KCNT2: variants seen among roughly 807,000 people sequenced by gnomAD.
The protein encoded by KCNT2 is potassium channel subfamily T member 2.
In KCNT2, 67 loss-of-function variants were observed where a neutral mutation model predicts 153.8. That is an observed-to-expected ratio of 0.44 (90% CI 0.36 to 0.53). The LOEUF (loss-of-function observed/expected upper bound fraction) is 0.53. Ranked by LOEUF, KCNT2 falls within the 20% of genes least tolerant of loss-of-function variation. KCNT2 has a pLI of 0.00. For synonymous variants in KCNT2, 500 were observed against 458.8 expected, an observed-to-expected ratio of 1.09 and a Z score of -1.15; for missense variants, 975 against 1,354.8, an observed-to-expected ratio of 0.72 and a Z score of 4.40.
chr1:196,434,629 A>G (rs1674458977), intron 8 of KCNT2, among the ~76,000 whole-genome samples: 1 of 151,986 alleles, frequency 6.6e-6, no homozygotes, highest in African/African-American at 2.4e-5. Flanking sequence ...AAGTCTTCAT[A>G]TGTTCTACAA....
intron 1 of KCNT2, among the ~76,000 whole-genome samples, chr1:196,569,089 A>G (rs1660467283): frequency 6.6e-6 from 1 of 152,090 alleles, no homozygotes; most frequent in Admixed American, 6.6e-5. Flanking sequence ...TTAAATATCA[A>G]TTTCTACTTT....
At chr1:196,435,282 T>C (rs1428078588) in intron 8 of KCNT2, among the ~76,000 whole-genome samples, 2 of 148,932 alleles carry the variant, frequency 1.3e-5, no homozygotes, top group African/African-American at 2.4e-5. Flanking sequence ...TAACATAATA[T>C]CATTTGAAAT....
At chr1:196,375,353 C>T (rs1668868725) in intron 13 of KCNT2, among the ~76,000 whole-genome samples, 1 of 151,796 alleles carries the variant, frequency 6.6e-6, no homozygotes, top group Non-Finnish European at 1.5e-5. Context: ...TCAATGGTGG[C>T]AATTTTACAC....
chr1:196,390,229 A>T (rs947807504), intron 13 of KCNT2, among the ~76,000 whole-genome samples: 1 of 151,482 alleles, frequency 6.6e-6, no homozygotes, highest in Non-Finnish European at 1.5e-5. Context: ...TAAATCGTAT[A>T]TTCTGTATAG....
intron 27 of KCNT2, among the ~76,000 whole-genome samples, chr1:196,230,684 G>A (rs1653874675): frequency 6.6e-6 from 1 of 151,952 alleles, no homozygotes; most frequent in South Asian, 2.1e-4. Context: ...AAGATAACTA[G>A]AATTAGAAGT....
intron 14 of KCNT2, among the ~76,000 whole-genome samples, chr1:196,349,046 C>T (rs1010160204): frequency 6.6e-6 from 1 of 151,922 alleles, no homozygotes; most frequent in African/African-American, 2.4e-5. Context: ...CAATACCAGT[C>T]AAGAGAGCCT....
intron 22 of KCNT2, among the ~76,000 whole-genome samples, chr1:196,294,166 C>A (rs1158596492): frequency 6.6e-6 from 1 of 152,170 alleles, no homozygotes; most frequent in African/African-American, 2.4e-5. Context: ...CACCTCATAC[C>A]TGTTAGAATG....
At chr1:196,303,788 G>C (rs1661393617) in intron 22 of KCNT2, among the ~76,000 whole-genome samples, 1 of 152,120 alleles carries the variant, frequency 6.6e-6, no homozygotes, top group South Asian at 2.1e-4. Flanking sequence ...GGACCAATCT[G>C]ACTACAGATC....
At chr1:196,549,663 A>T (rs1479154073) in intron 1 of KCNT2, among the ~76,000 whole-genome samples, 1 of 151,908 alleles carries the variant, frequency 6.6e-6, no homozygotes, top group Non-Finnish European at 1.5e-5. Flanking sequence ...AGCCTTCAAA[A>T]GCGCATTTTC....
intron 26 of KCNT2, among the ~76,000 whole-genome samples, chr1:196,237,538 C>T (rs1654552215): frequency 6.6e-6 from 1 of 151,622 alleles, no homozygotes; most frequent in Non-Finnish European, 1.5e-5. Flanking sequence ...AGAGAATGCC[C>T]ATGAAATCTG....
intron 4 of KCNT2, among the ~76,000 whole-genome samples, chr1:196,481,198 C>T (rs1047717847): frequency 6.6e-5 from 10 of 152,104 alleles, no homozygotes; most frequent in African/African-American, 2.4e-4. Flanking sequence ...ACAATGCACA[C>T]ATACTTAAAG....
At chr1:196,553,756 TA>T (rs145379818) in intron 1 of KCNT2, among the ~76,000 whole-genome samples, 8,259 of 150,160 alleles carry the variant, frequency 0.055, 738 homozygotes, top group African/African-American at 0.19. Context: ...CTTAAAACAT[TA>T]AAAAAAATGA....
At chr1:196,371,720 T>C (rs1383466722) in intron 14 of KCNT2, among the ~76,000 whole-genome samples, 2 of 152,134 alleles carry the variant, frequency 1.3e-5, no homozygotes, top group African/African-American at 4.8e-5. Context: ...TAAAATCTTT[T>C]TTTAACTTAT....
Position 196,586,937 on chromosome 1 carries a change from A to C in KCNT2, c.95+21278T>G, listed in dbSNP as rs142244410. Among the ~76,000 whole-genome samples, 139 of 152,244 alleles carry C rather than the reference A, an allele frequency of 9.1e-4. 5 individuals carry two copies. In the East Asian group the frequency reaches 0.025, roughly 28 times the overall value. On this transcript the variant is annotated intron_variant, in intron 1 of 27. Transcript: ENST00000294725. Reference sequence around the variant, plus strand: ...ATGAGAGAAAAAATATTTGACGTGAAGCTTGACTCTCTAAAACTCAATTAG... The same window carrying C: ...ATGAGAGAAAAAATATTTGACGTGACGCTTGACTCTCTAAAACTCAATTAG...
At chr1:196,459,267 T>G (rs777896620) in intron 8 of KCNT2, among the ~76,000 whole-genome samples, 1 of 151,712 alleles carries the variant, frequency 6.6e-6, no homozygotes, top group Non-Finnish European at 1.5e-5. Context: ...TAATAATTTA[T>G]AAAAGGTGAC....
At chr1:196,256,239 C>T (rs1281316292) in intron 26 of KCNT2, among the ~76,000 whole-genome samples, 1 of 151,776 alleles carries the variant, frequency 6.6e-6, no homozygotes, top group Non-Finnish European at 1.5e-5. Flanking sequence ...AACCTGGTAC[C>T]ACTGAGCCAT....
At chr1:196,443,353 C>A (rs74134328) in intron 8 of KCNT2, among the ~76,000 whole-genome samples, 3,035 of 151,488 alleles carry the variant, frequency 0.02, 91 homozygotes, top group African/African-American at 0.069. Flanking sequence ...TTTGTAACCA[C>A]AAATGTAAAG....
In KCNT2 at chr1:196,425,992, T is replaced by C. The variant is rs746182547; in HGVS notation, c.985-4A>G. On this transcript the variant is annotated splice_polypyrimidine_tract_variant and splice_region_variant and intron_variant, in intron 10 of 27. Coordinates refer to ENST00000294725, the MANE Select transcript of KCNT2 (RefSeq NM_198503.5). ...ACAAAATCACCACATAATAATCCTA[T>C]TCAAAACAAAATGGGCAATGGAATA... 1 of 1,610,572 alleles carries C rather than the reference T, an allele frequency of 6.2e-7. No homozygotes were observed.
chr1:196,290,657 T>C (rs776199181), intron 22 of KCNT2, among the ~76,000 whole-genome samples: 3 of 151,976 alleles, frequency 2.0e-5, no homozygotes, highest in African/African-American at 7.2e-5. Context: ...ACTTATGTAC[T>C]ATAATTTTAA....
Sources: gnomAD v4.1 joint callset for allele counts (sites outside exome capture counted in the v4.1 genomes callset) on GRCh38, gnomAD v4.1.1 for gene constraint, MANE v1.5 for transcripts, NCBI Gene and HGNC (gene_info 2026-07-23, HGNC 2026-07-21) for gene names.